The following RAF1 variants were observed in gnomAD, a reference collection of about 807,000 sequenced individuals.
The protein encoded by RAF1 is RAF proto-oncogene serine/threonine-protein kinase.
RAF1 carries 27 observed loss-of-function variants against 81.1 expected under a neutral mutation model. The ratio of observed to expected loss-of-function variants is 0.33; its 90% confidence interval spans 0.25 to 0.46. The LOEUF (loss-of-function observed/expected upper bound fraction) is 0.46. Ranked by LOEUF, RAF1 falls within the 20% of genes least tolerant of loss-of-function variation. The pLI is 1.00. For missense variants in RAF1, 598 were observed against 826.0 expected (o/e 0.72, Z 3.38); for synonymous variants, 298 against 294.0 (o/e 1.01, Z -0.14).
chr3:12,628,340 T>C (rs1394538943), intron 1 of RAF1, among the ~76,000 whole-genome samples: 1 of 151,734 alleles, frequency 6.6e-6, no homozygotes, highest in Non-Finnish European at 1.5e-5. Context: ...AGACCAGCCT[T>C]GGCAATAGTG....
At chr3:12,634,373 A>ACTCCTGATCTCAGGTG (rs2059956914) in intron 1 of RAF1, among the ~76,000 whole-genome samples, 1 of 150,244 alleles carries the variant, frequency 6.7e-6, no homozygotes, top group African/African-American at 2.5e-5. Context: ...CTGGTCTCAA[A>ACTCCTGATCTCAGGTG]CTCCTGATCT....
chr3:12,621,395 TATCCACTATATGCTAAA>T (rs2059552352), intron 1 of RAF1, among the ~76,000 whole-genome samples: 1 of 152,198 alleles, frequency 6.6e-6, no homozygotes, highest in Non-Finnish European at 1.5e-5. Context: ...TCTAACTGAA[TATCCACTATATGCTAAA>T]TCACATCACA....
intron 1 of RAF1, among the ~76,000 whole-genome samples, chr3:12,633,035 T>G (rs909066158): frequency 6.6e-6 from 1 of 152,134 alleles, no homozygotes; most frequent in Non-Finnish European, 1.5e-5. Context: ...AAATCTTTAG[T>G]TTCCCTTACC....
intron 11 of RAF1, among the ~76,000 whole-genome samples, chr3:12,597,767 T>C (rs181585617): frequency 4.6e-5 from 7 of 151,648 alleles, no homozygotes; most frequent in Admixed American, 4.0e-4. Context: ...ATACAAAAAT[T>C]AGCCGGGTGT....
chr3:12,630,222 C>A (rs1298006125), intron 1 of RAF1, among the ~76,000 whole-genome samples: 3 of 152,096 alleles, frequency 2.0e-5, no homozygotes, highest in Non-Finnish European at 4.4e-5. Flanking sequence ...AAATAACTAT[C>A]AGTTCAAAAT....
At chr3:12,653,503 T>C (rs1297854946) in intron 1 of RAF1, among the ~76,000 whole-genome samples, 1 of 152,050 alleles carries the variant, frequency 6.6e-6, no homozygotes, top group African/African-American at 2.4e-5. Context: ...CTTAGCACTT[T>C]GGGAGGCCGA....
At chr3:12,596,092 C>T (rs1162240293) in intron 11 of RAF1, among the ~76,000 whole-genome samples, 3 of 151,794 alleles carry the variant, frequency 2.0e-5, no homozygotes, top group Admixed American at 6.6e-5. Flanking sequence ...AGGCTGGTCT[C>T]GATCTCCTGG....
chr3:12,585,301 G>C (rs2125323695), intron 15 of RAF1, 48 bp from the exon 15 acceptor site: 1 of 1,611,212 alleles, frequency 6.2e-7, no homozygotes, highest in Non-Finnish European at 8.5e-7. Context: ...CCATATGACA[G>C]GCCTCACAGA....
intron 1 of RAF1, among the ~76,000 whole-genome samples, chr3:12,651,512 T>C (rs756023718): frequency 3.3e-5 from 5 of 151,828 alleles, no homozygotes; most frequent in Non-Finnish European, 5.9e-5. Context: ...CTCATGCCCA[T>C]AGTCCCAGCT....
At chr3:12,599,633 T>A in intron 11 of RAF1, 58 bp downstream of exon 10, 1 of 1,384,770 alleles carries the variant, frequency 7.2e-7, no homozygotes, top group East Asian at 2.3e-5. Flanking sequence ...CCCCCTGGGC[T>A]GAAACTTGAC....
At chr3:12,603,136 C>A (rs1054078748) in intron 8 of RAF1, among the ~76,000 whole-genome samples, 13 of 152,134 alleles carry the variant, frequency 8.5e-5, no homozygotes, top group African/African-American at 2.7e-4. Context: ...TTCACAGGCA[C>A]AATTGTAGCT....
Position 12,584,335 on chromosome 3 carries a change from G to T in RAF1, c.*179C>A, listed in dbSNP as rs982169799. 3 of 738,808 alleles carry T rather than the reference G, an allele frequency of 4.1e-6. No individual in the cohort carries two copies. The African/African-American group carries it at 5.3e-5, about 13-fold the overall frequency. The allele number at this position is 738,808 out of a possible 1,614,324, so 45.8% of individuals were successfully genotyped here. A position where few individuals can be genotyped will look rare whatever the true frequency, so the allele number is the denominator to read the frequency against. On this transcript the variant is annotated 3_prime_UTR_variant, in exon 18 of 18. Transcript: ENST00000442415. The stretch of plus-strand genomic sequence containing the variant: ...ACTGCAAATGGCTTCCTTCTCCCAG[G>T]GCCCAAAGGGATAGAAAAGAAGGCA...
intron 6 of RAF1, among the ~76,000 whole-genome samples, chr3:12,605,458 AG>A (rs1446454224): frequency 6.6e-6 from 1 of 152,054 alleles, no homozygotes; most frequent in Admixed American, 6.6e-5. Context: ...TTGTATTTTT[AG>A]TAGAGATGGG....
chr3:12,618,141 A>G (rs1286717664), intron 2 of RAF1, among the ~76,000 whole-genome samples: 1 of 152,188 alleles, frequency 6.6e-6, no homozygotes, highest in Non-Finnish European at 1.5e-5. Flanking sequence ...TGATTGTAAT[A>G]GTCAAAAAGC....
intron 4 of RAF1, 82 bp downstream of exon 4, chr3:12,609,151 C>A (rs2059131362): frequency 9.3e-7 from 1 of 1,077,628 alleles, no homozygotes; most frequent in South Asian, 1.3e-5. Flanking sequence ...TATATATATA[C>A]ATACGCATAT....
chr3:12,606,097 T>C (rs888476641), intron 6 of RAF1, 104 bp downstream of exon 6: 3 of 810,408 alleles, frequency 3.7e-6, no homozygotes, highest in Non-Finnish European at 6.3e-6. Flanking sequence ...GGTTTCCACG[T>C]AGAGAGGAGG....
chr3:12,664,037 G>A lies in RAF1; in HGVS notation c.-251C>T. 1 of 398,498 alleles carries A rather than the reference G, an allele frequency of 2.5e-6. No homozygotes were observed. The highest frequency in any genetic ancestry group is 3.6e-5 in the East Asian group (1 of 28,044). 24.7% of individuals were successfully genotyped at this position (398,498 alleles called of 1,614,324 possible). ...TGACCCTTTTCGGGGCCCAAAAAAG[G>A]CAGCAGAAAGCCGTTCCCGCCTCAC... On this transcript the variant is annotated 5_prime_UTR_variant, in exon 1 of 18. Coordinates refer to ENST00000442415, the MANE Select transcript of RAF1 (RefSeq NM_001354689.3).
rs1343259887 is a variant in RAF1, at chr3:12,664,048, C to G, written c.-262G>C. On this transcript the variant is annotated 5_prime_UTR_variant, in exon 1 of 18. Transcript: ENST00000442415. ...GGGGCCCAAAAAAGGCAGCAGAAAG[C>G]CGTTCCCGCCTCACAATCGTTTTCC... The G allele has an allele frequency of 1.0e-5, 4 of 398,384 alleles. No homozygotes were observed. Among genetic ancestry groups the G allele is most frequent in the Non-Finnish European group, 1.8e-5 (4 of 225,980 alleles). The allele number at this position is 398,384 out of a possible 1,614,324, so 24.7% of individuals were successfully genotyped here. A position where few individuals can be genotyped will look rare whatever the true frequency, so the allele number is the denominator to read the frequency against.
rs556330598 is a variant in RAF1 at position 12,625,144 on chromosome 3, C to T, written c.-26-6397G>A. On this transcript the variant is annotated intron_variant, in intron 1 of 17. Transcript: ENST00000442415. ...TGTTGCCCAGGCTGGAGTGCAGTGG[C>T]GCAATCTCTGCTCATTGCAGCCTCC... is the stretch of plus-strand genomic sequence containing the variant. 1.5e-4 allele frequency among the ~76,000 whole-genome samples: 23 copies of T among 152,096 alleles called. No individual in the cohort carries two copies. The South Asian group carries it at 3.1e-3, about 21-fold the overall frequency.
Sources: gnomAD v4.1 joint callset for allele counts (sites outside exome capture counted in the v4.1 genomes callset) on GRCh38, gnomAD v4.1.1 for gene constraint, MANE v1.5 for transcripts, NCBI Gene and HGNC (gene_info 2026-07-23, HGNC 2026-07-21) for gene names.